The following SHB variants were observed in gnomAD, a reference collection of about 807,000 sequenced individuals.
SHB encodes SH2 domain-containing adapter protein B.
A neutral mutation model predicts 52.3 loss-of-function variants in SHB; 20 were observed. The observed-to-expected ratio is 0.38, with a 90% CI of 0.27 to 0.56. The LOEUF (loss-of-function observed/expected upper bound fraction) is 0.56. Ranked by LOEUF, SHB falls within the 20% of genes least tolerant of loss-of-function variation. SHB has a pLI of 0.71. For missense variants in SHB, 825 were observed against 723.3 expected (o/e 1.14, Z -1.61); for synonymous variants, 397 against 316.5 (o/e 1.25, Z -2.70).
At chr9:37,977,157 T>TA (rs1820666396) in intron 2 of SHB, among the ~76,000 whole-genome samples, 1 of 152,152 alleles carries the variant, frequency 6.6e-6, no homozygotes, top group South Asian at 2.1e-4. Flanking sequence ...TAAACTCATT[T>TA]AAAAAAGAGA....
At chr9:37,990,891 T>C (rs112033153) in intron 2 of SHB, among the ~76,000 whole-genome samples, 27 of 152,200 alleles carry the variant, frequency 1.8e-4, no homozygotes, top group African/African-American at 6.5e-4. Flanking sequence ...ATAGAATTAA[T>C]GTAGAAAACT....
chr9:38,035,486 A>C (rs572065493), intron 1 of SHB, among the ~76,000 whole-genome samples: 1 of 152,160 alleles, frequency 6.6e-6, no homozygotes, highest in Admixed American at 6.5e-5. Flanking sequence ...ATAAAACTGC[A>C]TCCCTCCCTC....
At chr9:38,060,489 T>G (rs140362353) in intron 1 of SHB, among the ~76,000 whole-genome samples, 2 of 152,188 alleles carry the variant, frequency 1.3e-5, no homozygotes, top group African/African-American at 2.4e-5. Context: ...GACCTGACTT[T>G]AGACAAGTGA....
chr9:38,046,470 G>GC (rs150370459), intron 1 of SHB, among the ~76,000 whole-genome samples: 3,929 of 152,240 alleles, frequency 0.026, 93 homozygotes, highest in Non-Finnish European at 0.035. Flanking sequence ...GATGCTCGAA[G>GC]CCCCCCCGGG....
At chr9:37,929,404 T>TTTC (rs1288435628) in intron 5 of SHB, among the ~76,000 whole-genome samples, 1 of 152,230 alleles carries the variant, frequency 6.6e-6, no homozygotes, top group Non-Finnish European at 1.5e-5. Context: ...GAACAGTGCC[T>TTTC]TTCAGAAAAT....
intron 3 of SHB, among the ~76,000 whole-genome samples, chr9:37,960,902 G>C (rs946841051): frequency 1.3e-5 from 2 of 152,204 alleles, no homozygotes; most frequent in African/African-American, 4.8e-5. Flanking sequence ...GTCAAGCCCA[G>C]GACTGCAGGC....
chr9:38,062,019 C>G (rs1188195994), intron 1 of SHB, among the ~76,000 whole-genome samples: 2 of 152,192 alleles, frequency 1.3e-5, no homozygotes, highest in Admixed American at 1.3e-4. Flanking sequence ...GAAAAGCCAG[C>G]TCTAGGGCCT....
At chr9:37,925,071 C>A (rs968892194) in intron 5 of SHB, among the ~76,000 whole-genome samples, 1 of 152,236 alleles carries the variant, frequency 6.6e-6, no homozygotes, top group Non-Finnish European at 1.5e-5. Context: ...GGCCTCTGGG[C>A]ACACATACAT....
chr9:37,968,076 G>A (rs1820550444), intron 3 of SHB, among the ~76,000 whole-genome samples: 2 of 152,140 alleles, frequency 1.3e-5, no homozygotes, highest in African/African-American at 4.8e-5. Flanking sequence ...CAGGTCCTCT[G>A]TGGCCACTAA....
chr9:37,992,880 A>AACACAC (rs4008196), intron 2 of SHB, among the ~76,000 whole-genome samples: 7 of 150,512 alleles, frequency 4.7e-5, no homozygotes, highest in African/African-American at 1.7e-4. Flanking sequence ...CACACACACA[A>AACACAC]ACACACACAC....
At chr9:37,943,368 C>T (rs1453137406) in intron 5 of SHB, among the ~76,000 whole-genome samples, 1 of 152,176 alleles carries the variant, frequency 6.6e-6, no homozygotes, top group Non-Finnish European at 1.5e-5. Context: ...AGGCTGTGAG[C>T]TCCTGCAGGG....
intron 4 of SHB, among the ~76,000 whole-genome samples, chr9:37,953,421 GTTT>G (rs113257901): frequency 1.4e-5 from 2 of 146,928 alleles, no homozygotes; most frequent in African/African-American, 2.5e-5. Flanking sequence ...TTGAGTCAAG[GTTT>G]TTTTTTTTTA....
intron 5 of SHB, among the ~76,000 whole-genome samples, chr9:37,933,860 C>A (rs543530005): frequency 6.6e-6 from 1 of 152,216 alleles, no homozygotes; most frequent in Non-Finnish European, 1.5e-5. Context: ...AGCCCAGCTC[C>A]GAGCTCTAGC....
At chr9:37,990,490 A>G (rs951038077) in intron 2 of SHB, among the ~76,000 whole-genome samples, 19 of 152,228 alleles carry the variant, frequency 1.2e-4, no homozygotes, top group African/African-American at 4.3e-4. Flanking sequence ...AATAACATAA[A>G]CACACAGCCT....
Position 38,068,606 on chromosome 9 carries a change from T to G in SHB, c.40A>C (p.Ser14Arg). The change falls in exon 1 of 6, where the codon AGC becomes CGC. Residue 14 changes from serine to arginine, a missense_variant. Physicochemically the swap from Ser to Arg is moderately radical, Grantham distance 110. Transcript: ENST00000377707. ...GGCTGCGGGGGGCTCTTGGTCTTGC[T>G]GTTGCCCAAGCTGAAGTACTTGTTT... is the stretch of plus-strand genomic sequence containing the variant. The part of the protein sequence containing the change: ...WLNKYFSLGN[S>R]KTKSPPQPPR... 1 of 1,493,178 alleles carries G rather than the reference T, an allele frequency of 6.7e-7. No homozygotes were observed. Among genetic ancestry groups the G allele is most frequent in the Non-Finnish European group, 8.8e-7 (1 of 1,132,472 alleles). The allele number at this position is 1,493,178 out of a possible 1,614,324, so 92.5% of individuals were successfully genotyped here. A position where few individuals can be genotyped will look rare whatever the true frequency, so the allele number is the denominator to read the frequency against.
At chr9:37,929,678 G>C (rs910976056) in intron 5 of SHB, among the ~76,000 whole-genome samples, 2 of 152,242 alleles carry the variant, frequency 1.3e-5, no homozygotes, top group Non-Finnish European at 2.9e-5. Context: ...GGATACCTGG[G>C]TTCTGGCCCA....
intron 3 of SHB, among the ~76,000 whole-genome samples, chr9:37,959,433 A>C (rs1423361394): frequency 6.6e-6 from 1 of 152,156 alleles, no homozygotes; most frequent in Non-Finnish European, 1.5e-5. Context: ...TGGCATAGGA[A>C]GGGGACTAAG....
intron 1 of SHB, among the ~76,000 whole-genome samples, chr9:38,064,725 C>A (rs1821939116): frequency 6.6e-6 from 1 of 152,364 alleles, no homozygotes; most frequent in East Asian, 1.9e-4. Flanking sequence ...ACCTCCCCTC[C>A]TCACTCACAC....
In SHB at chr9:37,918,217, CTT is replaced by C. The variant is rs1313250647; in HGVS notation, c.*1602_*1603del. Among the ~76,000 whole-genome samples the C allele has an allele frequency of 2.6e-5, 4 of 152,358 alleles. No individual in the cohort carries two copies. In the East Asian group the frequency reaches 7.7e-4, roughly 29 times the overall value. On this transcript the variant is annotated 3_prime_UTR_variant, in exon 6 of 6. Coordinates refer to ENST00000377707, the MANE Select transcript of SHB (RefSeq NM_003028.3). ...GGTGCCTGGCGAAGGCTCTGGAACC[CTT>C]GTATCTCATTCAGGAGAGGGCAGCC...
Sources: allele counts gnomAD v4.1 joint callset (sites outside exome capture counted in the v4.1 genomes callset), GRCh38; gene constraint gnomAD v4.1.1; transcripts MANE v1.5; gene names NCBI Gene and HGNC (gene_info 2026-07-23, HGNC 2026-07-21).